AK9: variants seen among roughly 807,000 people sequenced by gnomAD.
The protein encoded by AK9 is adenylate kinase domain containing 1.
Under a neutral mutation model 239.6 loss-of-function variants are expected in AK9, and 191 were observed. That is an observed-to-expected ratio of 0.80 (90% CI 0.71 to 0.90). The LOEUF is 0.90. Among genes scored for constraint, AK9 ranks in the 40% least tolerant of loss-of-function variants. AK9 has a pLI of 0.00. For synonymous variants in AK9, 689 were observed against 721.0 expected (o/e 0.96, Z 0.71); for missense variants, 1,995 against 2,214.7 (o/e 0.90, Z 1.99).
intron 35 of AK9, among the ~76,000 whole-genome samples, chr6:109,503,350 T>TC (rs1251760506): frequency 2.6e-5 from 4 of 152,086 alleles, no homozygotes; most frequent in African/African-American, 9.7e-5. Context: ...TCGTGTAACT[T>TC]CAAGTCTCAA....
At chr6:109,499,583 T>C (rs1274249410) in intron 35 of AK9, among the ~76,000 whole-genome samples, 1 of 152,164 alleles carries the variant, frequency 6.6e-6, no homozygotes, top group Non-Finnish European at 1.5e-5. Context: ...CCTCTTTTCA[T>C]ATAAGCTTAT....
chr6:109,533,382 C>G lies in AK9; in HGVS notation c.3439G>C (p.Val1147Leu), dbSNP rs1170748943. 3.7e-6 allele frequency: 6 copies of G among 1,611,070 alleles called. No homozygotes were observed. Among genetic ancestry groups the G allele is most frequent in the Middle Eastern group, 1.7e-4 (1 of 6,058 alleles). ...TCTTGATCATCAACTTGTATAAAAA[C>G]AGCTGCATCTGGGAAAAATCCACGA... Reference protein sequence around the residue: ...GDRGFFPDAAVFIQVDDQDIF... With the variant: ...GDRGFFPDAALFIQVDDQDIF... The change falls in exon 28 of 41, where the codon GTT (valine) becomes CTT (leucine). Residue 1147 changes from valine (V) to leucine (L), a missense_variant. By Grantham distance (32) the Val-to-Leu change is conservative. This residue lies in a region of AK9 where 1,290 missense variants were observed against 1,392.7 expected (regional missense o/e 0.93). Transcript: ENST00000424296.
At chr6:109,538,962 G>C (rs963227450) in intron 27 of AK9, among the ~76,000 whole-genome samples, 1 of 152,164 alleles carries the variant, frequency 6.6e-6, no homozygotes, top group Admixed American at 6.5e-5. Context: ...TAGAGTTTCT[G>C]CCGAGAGATC....
chr6:109,535,334 A>G (rs1582885945), intron 27 of AK9, among the ~76,000 whole-genome samples: 1 of 152,148 alleles, frequency 6.6e-6, no homozygotes, highest in Non-Finnish European at 1.5e-5. Flanking sequence ...TGTTGTTTTG[A>G]TCTGCATTTC....
At chr6:109,611,079 T>C (rs1394552838) in intron 16 of AK9, among the ~76,000 whole-genome samples, 2 of 152,188 alleles carry the variant, frequency 1.3e-5, no homozygotes, top group African/African-American at 2.4e-5. Context: ...CATCTGCTAC[T>C]CTAATGAGAT....
intron 13 of AK9, 59 bp downstream of exon 13, chr6:109,619,033 A>G (rs771996758): frequency 3.4e-6 from 5 of 1,490,428 alleles, no homozygotes; most frequent in Non-Finnish European, 4.5e-6. Flanking sequence ...CTTGCTTTCA[A>G]GTAGCCCGGC....
intron 12 of AK9, among the ~76,000 whole-genome samples, chr6:109,627,942 C>T (rs2128262965): frequency 6.6e-6 from 1 of 152,278 alleles, no homozygotes; most frequent in East Asian, 1.9e-4. Context: ...CTGCAACCGG[C>T]CTGAACTTCT....
chr6:109,589,647 T>C (rs901257570), intron 17 of AK9, among the ~76,000 whole-genome samples: 6 of 152,118 alleles, frequency 3.9e-5, no homozygotes, highest in African/African-American at 1.4e-4. Context: ...TGTCTTGTTA[T>C]TAGGGGGAAT....
At chr6:109,588,698 G>T (rs1789841331) in intron 17 of AK9, among the ~76,000 whole-genome samples, 1 of 152,076 alleles carries the variant, frequency 6.6e-6, no homozygotes, top group Middle Eastern at 3.2e-3. Context: ...TCTCTTTCAG[G>T]ATTTTTATAG....
chr6:109,497,621 GTAAA>G (rs1245747901), intron 37 of AK9, 58 bp from the exon 38 acceptor site: 1 of 1,370,426 alleles, frequency 7.3e-7, no homozygotes, highest in Non-Finnish European at 1.0e-6. Context: ...GCAGTCCTGT[GTAAA>G]TAAAAAGTCA....
intron 27 of AK9, among the ~76,000 whole-genome samples, chr6:109,540,599 C>A (rs1782748682): frequency 6.6e-6 from 1 of 152,162 alleles, no homozygotes; most frequent in African/African-American, 2.4e-5. Context: ...CAGTGGGCTG[C>A]ACCCACTGTC....
intron 39 of AK9, chr6:109,494,526 CCA>C (rs1229208675): frequency 1.3e-5 from 2 of 156,678 alleles, no homozygotes; most frequent in African/African-American, 4.8e-5. Context: ...ATTCCAGAGA[CCA>C]CAGTAGTCAG....
chr6:109,613,498 C>T (rs997942210), intron 15 of AK9, among the ~76,000 whole-genome samples: 2 of 151,856 alleles, frequency 1.3e-5, no homozygotes, highest in African/African-American at 4.8e-5. Flanking sequence ...TAATTTGGAA[C>T]AATTTTATGC....
intron 1 of AK9, among the ~76,000 whole-genome samples, chr6:109,679,359 C>G (rs1038898040): frequency 9.0e-6 from 1 of 110,882 alleles, no homozygotes; most frequent in Non-Finnish European, 1.9e-5. Flanking sequence ...TCCTCCCACC[C>G]CCGCAGCTCA....
intron 24 of AK9, among the ~76,000 whole-genome samples, chr6:109,558,511 A>T (rs752049502): frequency 2.6e-5 from 4 of 152,206 alleles, no homozygotes; most frequent in Non-Finnish European, 4.4e-5. Context: ...TTGCCTCTGT[A>T]GATTTGTCAA....
At chr6:109,519,498 A>G (rs1051686826) in intron 29 of AK9, among the ~76,000 whole-genome samples, 4 of 152,048 alleles carry the variant, frequency 2.6e-5, no homozygotes, top group African/African-American at 7.2e-5. Context: ...TGACTTTTTA[A>G]TAATAGCCAT....
chr6:109,542,648 G>A (rs891737471), intron 26 of AK9, among the ~76,000 whole-genome samples: 17 of 152,138 alleles, frequency 1.1e-4, no homozygotes, highest in African/African-American at 3.1e-4. Flanking sequence ...ATGGTATTAC[G>A]TAGCTGATTA....
At chr6:109,572,903 G>C (rs1787607194) in intron 21 of AK9, among the ~76,000 whole-genome samples, 1 of 151,970 alleles carries the variant, frequency 6.6e-6, no homozygotes, top group Admixed American at 6.6e-5. Context: ...ACTCCTTCTT[G>C]CCTTGCCCCA....
At chr6:109,684,677 A>G (rs1184116002) in intron 1 of AK9, among the ~76,000 whole-genome samples, 3 of 146,408 alleles carry the variant, frequency 2.0e-5, no homozygotes, top group Non-Finnish European at 4.5e-5. Flanking sequence ...GATTGAGACC[A>G]TCCCGGCTAA....
Sources: gnomAD v4.1 joint callset for allele counts (sites outside exome capture counted in the v4.1 genomes callset) on GRCh38, gnomAD v4.1.1 for gene constraint, gnomAD v4.1.1 regional missense constraint, MANE v1.5 for transcripts, NCBI Gene and HGNC (gene_info 2026-07-23, HGNC 2026-07-21) for gene names.